CNTNAP2: variants seen among roughly 807,000 people sequenced by gnomAD.
CNTNAP2 encodes the protein contactin-associated protein-like 2.
In CNTNAP2, 98 loss-of-function variants were observed where a neutral mutation model predicts 155.2. That is an observed-to-expected ratio of 0.63 (90% CI 0.54 to 0.75). The LOEUF (loss-of-function observed/expected upper bound fraction) is 0.75, where lower values mean the gene tolerates loss of function less well. Among genes scored for constraint, CNTNAP2 ranks in the 30% least tolerant of loss-of-function variants. CNTNAP2 has a pLI of 0.00. For missense variants in CNTNAP2, 1,727 were observed against 1,688.1 expected (o/e 1.02, Z -0.40); for synonymous variants, 651 against 631.2 (o/e 1.03, Z -0.47).
intron 13 of CNTNAP2, among the ~76,000 whole-genome samples, chr7:147,650,116 T>G (rs1795427716): frequency 6.6e-6 from 1 of 152,152 alleles, no homozygotes; most frequent in Non-Finnish European, 1.5e-5. Flanking sequence ...ATTATCCACT[T>G]TAATTACATC....
chr7:147,920,904 G>A (rs1407004031), intron 14 of CNTNAP2, among the ~76,000 whole-genome samples: 2 of 149,962 alleles, frequency 1.3e-5, no homozygotes, highest in Non-Finnish European at 3.0e-5. Context: ...CTGCCTCCCG[G>A]GTTCAAGCAA....
chr7:146,785,475 T>C (rs570571517), intron 2 of CNTNAP2, among the ~76,000 whole-genome samples: 1 of 152,330 alleles, frequency 6.6e-6, no homozygotes, highest in South Asian at 2.1e-4. Context: ...AACAAGTACA[T>C]AAAATATTAT....
chr7:148,034,942 G>C (rs1563175240), intron 15 of CNTNAP2, among the ~76,000 whole-genome samples: 1 of 152,194 alleles, frequency 6.6e-6, no homozygotes, highest in South Asian at 2.1e-4. Context: ...GGCCATTCTT[G>C]TTATAAATTG....
intron 1 of CNTNAP2, among the ~76,000 whole-genome samples, chr7:146,623,832 A>G (rs1799374143): frequency 6.6e-6 from 1 of 152,114 alleles, no homozygotes; most frequent in South Asian, 2.1e-4. Flanking sequence ...TTGTCTTGCA[A>G]GGTGGTTGTG....
intron 21 of CNTNAP2, among the ~76,000 whole-genome samples, chr7:148,268,118 G>T (rs966769589): frequency 1.3e-5 from 2 of 152,062 alleles, no homozygotes; most frequent in African/African-American, 4.8e-5. Context: ...TTAAAATATC[G>T]ATATGATTGG....
chr7:146,921,778 C>G (rs978955799), intron 3 of CNTNAP2, among the ~76,000 whole-genome samples: 3 of 151,964 alleles, frequency 2.0e-5, no homozygotes, highest in Non-Finnish European at 2.9e-5. Flanking sequence ...CCTGAGTCTC[C>G]TAAGGAAAGC....
chr7:147,662,338 C>G (rs1257803450), intron 13 of CNTNAP2, among the ~76,000 whole-genome samples: 2 of 152,224 alleles, frequency 1.3e-5, no homozygotes, highest in Non-Finnish European at 2.9e-5. Context: ...TGGGATGGCA[C>G]AGTCCCTACA....
At chr7:146,172,485 A>G (rs1798409598) in intron 1 of CNTNAP2, among the ~76,000 whole-genome samples, 2 of 152,052 alleles carry the variant, frequency 1.3e-5, no homozygotes, top group African/African-American at 4.8e-5. Flanking sequence ...CAAAAATTTT[A>G]TTGAATTTAT....
chr7:147,111,106 T>A (rs932088934), intron 5 of CNTNAP2, among the ~76,000 whole-genome samples: 1 of 152,216 alleles, frequency 6.6e-6, no homozygotes, highest in African/African-American at 2.4e-5. Context: ...CAGTTTTGAT[T>A]TGCATTTCTC....
At chr7:147,826,797 G>C (rs893283356) in intron 13 of CNTNAP2, among the ~76,000 whole-genome samples, 6 of 152,128 alleles carry the variant, frequency 3.9e-5, no homozygotes, top group Non-Finnish European at 8.8e-5. Flanking sequence ...CAGGACAAAA[G>C]TGGACAGAAT....
chr7:147,929,177 G>A (rs974926728), intron 14 of CNTNAP2, among the ~76,000 whole-genome samples: 1 of 143,750 alleles, frequency 7.0e-6, no homozygotes, highest in Non-Finnish European at 1.5e-5. Flanking sequence ...TATTGATCAT[G>A]TGTGTCCATA....
intron 14 of CNTNAP2, among the ~76,000 whole-genome samples, chr7:147,955,556 C>A (rs1021367762): frequency 2.0e-5 from 3 of 152,100 alleles, no homozygotes; most frequent in Non-Finnish European, 1.5e-5. Flanking sequence ...GTATTCAGAA[C>A]CCCCAGTTGT....
At chr7:147,343,121 C>T (rs980196363) in intron 9 of CNTNAP2, among the ~76,000 whole-genome samples, 2 of 151,988 alleles carry the variant, frequency 1.3e-5, no homozygotes, top group African/African-American at 4.8e-5. Context: ...TAAAATGATG[C>T]CAGCTAGAAG....
chr7:146,534,171 G>GA (rs1418970352), intron 1 of CNTNAP2, among the ~76,000 whole-genome samples: 1 of 152,062 alleles, frequency 6.6e-6, no homozygotes, highest in African/African-American at 2.4e-5. Flanking sequence ...AAAAATGGGG[G>GA]AAAGAAGGAC....
chr7:147,639,121 C>G lies in CNTNAP2; in HGVS notation c.1913C>G (p.Thr638Ser). Residue 638 changes from threonine to serine, a missense_variant, in exon 13 of 24, where the codon ACC becomes AGC. Transcript: ENST00000361727. The part of the protein sequence containing the change: ...YCNMTEDKVW[T>S]IVSHDLQMQT... ...CTCCCCACAGAGGACAAAGTGTGGA[C>G]CATAGTGTCTCATGACTTGCAGATG... The G allele has an allele frequency of 6.2e-7, 1 of 1,614,052 alleles. No homozygotes were observed. The highest frequency in any genetic ancestry group is 1.1e-5 in the South Asian group (1 of 91,084).
Position 146,721,887 on chromosome 7 carries a change from A to ATTTTTTTTTTTT in CNTNAP2, c.98-52383_98-52382insTTTTTTTTTTTT, listed in dbSNP as rs1265800742. On this transcript the variant is annotated intron_variant, in intron 1 of 23. Coordinates refer to ENST00000361727, the MANE Select transcript of CNTNAP2 (RefSeq NM_014141.6). ...TGTGTGTGTGTGTGTATATATATAT[A>ATTTTTTTTTTTT]TATTTTTTTTTTTTTTTTTGAGATG... 1.1e-4 allele frequency among the ~76,000 whole-genome samples: 9 copies of ATTTTTTTTTTTT among 81,950 alleles called. 1 individual carries two copies. In the African/African-American group the frequency reaches 1.2e-3, roughly 11 times the overall value. 53.8% of individuals were successfully genotyped at this position (81,950 alleles called of 152,430 possible).
chr7:146,940,582 C>T (rs1797032000), intron 3 of CNTNAP2, among the ~76,000 whole-genome samples: 1 of 151,970 alleles, frequency 6.6e-6, no homozygotes, highest in Non-Finnish European at 1.5e-5. Context: ...CCATATTACA[C>T]ATGCAGTGAT....
intron 8 of CNTNAP2, among the ~76,000 whole-genome samples, chr7:147,232,279 C>T (rs1782741267): frequency 6.6e-6 from 1 of 152,164 alleles, no homozygotes; most frequent in African/African-American, 2.4e-5. Flanking sequence ...TCAAACTAGT[C>T]ATCAAAATTC....
chr7:147,359,266 A>G (rs777414496), intron 9 of CNTNAP2, among the ~76,000 whole-genome samples: 5 of 152,114 alleles, frequency 3.3e-5, no homozygotes, highest in Non-Finnish European at 5.9e-5. Context: ...CTTTGACTCA[A>G]TCATCAGCAA....
Sources: allele counts gnomAD v4.1 joint callset (sites outside exome capture counted in the v4.1 genomes callset), GRCh38; gene constraint gnomAD v4.1.1; transcripts MANE v1.5; gene names NCBI Gene and HGNC (gene_info 2026-07-23, HGNC 2026-07-21).